NAV3: variants seen among roughly 807,000 people sequenced by gnomAD.
NAV3 encodes the protein neuron navigator 3.
A neutral mutation model predicts 244.7 loss-of-function variants in NAV3; 87 were observed. The observed-to-expected ratio is 0.36, with a 90% CI of 0.30 to 0.42. NAV3 has a LOEUF of 0.42. Among genes scored for constraint, NAV3 ranks in the 20% least tolerant of loss-of-function variants. The pLI is 1.00. For missense variants in NAV3, 2,663 were observed against 2,893.3 expected, an observed-to-expected ratio of 0.92 and a Z score of 1.83; for synonymous variants, 1,126 against 1,042.2, an observed-to-expected ratio of 1.08 and a Z score of -1.55.
intron 2 of NAV3, among the ~76,000 whole-genome samples, chr12:77,621,550 G>A (rs959655705): frequency 9.0e-5 from 13 of 143,670 alleles, no homozygotes; most frequent in Non-Finnish European, 1.1e-4. Context: ...GTGTGATCTC[G>A]GCACACTGCA....
intron 2 of NAV3, among the ~76,000 whole-genome samples, chr12:77,612,987 A>T (rs1870985903): frequency 1.3e-5 from 2 of 151,972 alleles, no homozygotes; most frequent in Non-Finnish European, 2.9e-5. Flanking sequence ...AGAAGGATGT[A>T]TTTACTTCCC....
intron 1 of NAV3, among the ~76,000 whole-genome samples, chr12:77,842,154 A>T (rs903829021): frequency 7.9e-5 from 12 of 152,170 alleles, no homozygotes; most frequent in African/African-American, 2.9e-4. Context: ...AAAGCAAAAC[A>T]CTGAATAAGA....
chr12:77,640,484 A>G (rs1357827229), intron 2 of NAV3, among the ~76,000 whole-genome samples: 2 of 152,052 alleles, frequency 1.3e-5, no homozygotes, highest in African/African-American at 4.8e-5. Context: ...TGTATTTGAC[A>G]TTTTTAAAGG....
At chr12:78,096,546 G>A (rs1351152763) in intron 12 of NAV3, among the ~76,000 whole-genome samples, 1 of 152,238 alleles carries the variant, frequency 6.6e-6, no homozygotes, top group Non-Finnish European at 1.5e-5. Flanking sequence ...CAATCATGGC[G>A]AAAGACTAAT....
At chr12:77,615,379 T>C (rs1055395082) in intron 2 of NAV3, among the ~76,000 whole-genome samples, 2 of 152,292 alleles carry the variant, frequency 1.3e-5, no homozygotes, top group Middle Eastern at 3.4e-3. Context: ...ACCTGATCTA[T>C]GGATCAGTGT....
At position 77,790,000 on chromosome 12, in the gene NAV3, G is replaced by T. The variant is rs187409114; in HGVS notation, c.73-150319G>T. On this transcript the variant is annotated intron_variant, in intron 2 of 8. Coordinates refer to the NAV3 transcript ENST00000550042. ...AATATATTTTCCTCATCTACCTAGT[G>T]ACTACCTGGTGAGCACCCAGTAACC... Among the ~76,000 whole-genome samples, 738 of 152,170 alleles carry T rather than the reference G, an allele frequency of 4.8e-3. 10 individuals are homozygous for T. Among genetic ancestry groups the T allele is most frequent in the African/African-American group, 0.016 (679 of 41,522 alleles).
intron 5 of NAV3, among the ~76,000 whole-genome samples, chr12:77,987,663 T>A (rs1870754561): frequency 6.6e-6 from 1 of 151,930 alleles, no homozygotes; most frequent in Admixed American, 6.6e-5. Flanking sequence ...AAAAAAAAAA[T>A]TAACATAACA....
At chr12:77,787,683 C>A (rs1219896408) in intron 2 of NAV3, among the ~76,000 whole-genome samples, 1 of 152,156 alleles carries the variant, frequency 6.6e-6, no homozygotes, top group Admixed American at 6.5e-5. Flanking sequence ...CCTCCCATGC[C>A]ACTAGGATTA....
chr12:77,725,571 T>C (rs1876839666), intron 2 of NAV3, among the ~76,000 whole-genome samples: 1 of 151,278 alleles, frequency 6.6e-6, no homozygotes, highest in African/African-American at 2.4e-5. Flanking sequence ...TAAAATAGGG[T>C]GGAAATCAGA....
At chr12:77,923,736 C>T (rs910777381) in intron 1 of NAV3, among the ~76,000 whole-genome samples, 3 of 152,140 alleles carry the variant, frequency 2.0e-5, no homozygotes, top group African/African-American at 4.8e-5. Flanking sequence ...CAAATGCTCA[C>T]ACTACCACCC....
intron 2 of NAV3, among the ~76,000 whole-genome samples, chr12:77,582,815 G>T (rs890490445): frequency 1.3e-5 from 2 of 152,200 alleles, no homozygotes; most frequent in African/African-American, 2.4e-5. Flanking sequence ...TGGTGGAAAT[G>T]AATGGGAACC....
chr12:78,144,534 C>T (rs434710), intron 20 of NAV3, among the ~76,000 whole-genome samples: 52,493 of 151,564 alleles, frequency 0.35, 9,350 homozygotes, highest in East Asian at 0.48. Context: ...CCACAGAGTA[C>T]GAAAGAAGGC....
chr12:78,160,040 A>G (rs1279305262), intron 23 of NAV3, among the ~76,000 whole-genome samples: 1 of 152,182 alleles, frequency 6.6e-6, no homozygotes, highest in African/African-American at 2.4e-5. Context: ...ACTTCAGGTT[A>G]CAGCAGCTAT....
At chr12:77,799,754 C>A (rs547023999) in intron 2 of NAV3, among the ~76,000 whole-genome samples, 2 of 152,034 alleles carry the variant, frequency 1.3e-5, no homozygotes, top group South Asian at 2.1e-4. Context: ...TGTTTTGATG[C>A]CAGAACACAT....
chr12:77,634,326 T>C (rs1872058898), intron 2 of NAV3, among the ~76,000 whole-genome samples: 7 of 152,200 alleles, frequency 4.6e-5, no homozygotes, highest in South Asian at 4.1e-4. Flanking sequence ...TTTGCTACTT[T>C]ATGATTTAAG....
chr12:77,726,709 A>G (rs1273349297), intron 2 of NAV3, among the ~76,000 whole-genome samples: 2 of 151,606 alleles, frequency 1.3e-5, no homozygotes, highest in East Asian at 2.0e-4. Flanking sequence ...GAGGCAAAAC[A>G]ACAAAAAACA....
At chr12:77,851,248 C>A (rs1005233017) in intron 1 of NAV3, among the ~76,000 whole-genome samples, 2 of 152,082 alleles carry the variant, frequency 1.3e-5, no homozygotes, top group Admixed American at 1.3e-4. Flanking sequence ...TATGGAGGCA[C>A]CAGCTTCTTT....
intron 18 of NAV3, among the ~76,000 whole-genome samples, chr12:78,132,473 C>T (rs1446069188): frequency 6.6e-6 from 1 of 152,158 alleles, no homozygotes. Context: ...TGATTCTCTT[C>T]ATACTTTTCC....
intron 1 of NAV3, among the ~76,000 whole-genome samples, chr12:77,841,217 T>C (rs775090320): frequency 1.3e-5 from 2 of 152,210 alleles, no homozygotes; most frequent in African/African-American, 2.4e-5. Flanking sequence ...AAGAGTCATG[T>C]AAAAATGTAA....
Sources: allele counts gnomAD v4.1 joint callset (sites outside exome capture counted in the v4.1 genomes callset), GRCh38; gene constraint gnomAD v4.1.1; transcripts MANE v1.5; gene names NCBI Gene and HGNC (gene_info 2026-07-23, HGNC 2026-07-21).